ST6GALNAC5: variants seen among roughly 807,000 people sequenced by gnomAD.
ST6GALNAC5 encodes alpha-N-acetylgalactosaminide alpha-2,6-sialyltransferase 5.
ST6GALNAC5 carries 27 observed loss-of-function variants against 33.6 expected under a neutral mutation model. That is an observed-to-expected ratio of 0.80 (90% CI 0.59 to 1.11). The LOEUF (loss-of-function observed/expected upper bound fraction) is 1.11, where lower values mean the gene tolerates loss of function less well. Among genes scored for constraint, ST6GALNAC5 ranks in the 50% least tolerant of loss-of-function variants. The pLI, the probability that ST6GALNAC5 is intolerant of heterozygous loss-of-function variation, is 0.00. For synonymous variants in ST6GALNAC5, 194 were observed against 171.2 expected (o/e 1.13, Z -1.04); for missense variants, 428 against 454.0 (o/e 0.94, Z 0.52).
In ST6GALNAC5 at chr1:77,061,147, C is replaced by A. The variant is rs1184078333; in HGVS notation, c.780-1828C>A. ...CTGCAATAACTAGTCAGGAAAGGAT[C>A]CAGTGTTTCACTACAGAACATAGAG... On this transcript the variant is annotated intron_variant, in intron 4 of 4. Coordinates refer to ENST00000477717, the MANE Select transcript of ST6GALNAC5 (RefSeq NM_030965.3). 2.0e-5 allele frequency among the ~76,000 whole-genome samples: 3 copies of A among 152,218 alleles called. No individual in the cohort carries two copies. The East Asian group carries it at 5.8e-4, about 29-fold the overall frequency.
At chr1:77,040,118 C>A (rs1214080932) in intron 2 of ST6GALNAC5, among the ~76,000 whole-genome samples, 1 of 152,162 alleles carries the variant, frequency 6.6e-6, no homozygotes, top group African/African-American at 2.4e-5. Context: ...CAGGGTCGCA[C>A]AATTTGTACA....
intron 3 of ST6GALNAC5, among the ~76,000 whole-genome samples, chr1:77,049,820 A>G (rs1368127045): frequency 6.6e-6 from 1 of 152,182 alleles, no homozygotes; most frequent in Admixed American, 6.5e-5. Flanking sequence ...ATAGATAAAT[A>G]CATGTGAATG....
At chr1:77,045,041 C>T (rs1245009037) in intron 3 of ST6GALNAC5, among the ~76,000 whole-genome samples, 1 of 152,162 alleles carries the variant, frequency 6.6e-6, no homozygotes, top group Non-Finnish European at 1.5e-5. Flanking sequence ...CATCACTGTG[C>T]TTGGCCCTGG....
At chr1:77,062,839 A>G (rs779608329) in intron 4 of ST6GALNAC5, 136 bp from the exon 5 acceptor site, 1 of 642,074 alleles carries the variant, frequency 1.6e-6, no homozygotes, top group Non-Finnish European at 2.7e-6. Flanking sequence ...GTGTAATCAG[A>G]AAAACCATTT....
chr1:76,969,314 A>G (rs1019627994), intron 2 of ST6GALNAC5, among the ~76,000 whole-genome samples: 3 of 152,020 alleles, frequency 2.0e-5, no homozygotes, highest in Non-Finnish European at 2.9e-5. Flanking sequence ...AAAACAGGAC[A>G]CTCCTGCCCA....
intron 2 of ST6GALNAC5, among the ~76,000 whole-genome samples, chr1:77,026,694 C>T (rs1570111629): frequency 6.6e-6 from 1 of 152,310 alleles, no homozygotes; most frequent in South Asian, 2.1e-4. Context: ...TGTATATAGC[C>T]TCCTTCATAG....
intron 2 of ST6GALNAC5, among the ~76,000 whole-genome samples, chr1:76,892,784 C>G (rs187339049): frequency 1.5e-4 from 23 of 152,300 alleles, no homozygotes; most frequent in Admixed American, 8.5e-4. Context: ...ATAAAGCACA[C>G]ATGGTAAGCT....
At chr1:77,035,790 T>C (rs767128755) in intron 2 of ST6GALNAC5, among the ~76,000 whole-genome samples, 3 of 152,182 alleles carry the variant, frequency 2.0e-5, no homozygotes, top group Non-Finnish European at 2.9e-5. Context: ...TGTAGAGAAA[T>C]TGGAACTAGT....
At position 76,868,305 on chromosome 1, in the gene ST6GALNAC5, G is replaced by C. The variant is rs982180054; in HGVS notation, c.16-192G>C. On this transcript the variant is annotated intron_variant, in intron 1 of 4. Coordinates refer to ENST00000477717, the MANE Select transcript of ST6GALNAC5 (RefSeq NM_030965.3). This position sits in a 1 kb window ranked among gnomAD's most constrained non-coding sequence, Gnocchi z 4.3. ...CGGCGGCGGCCGAAAGCAGCGACGC[G>C]CCCGGAGCATCCCTTGCGATACGCT... is the stretch of plus-strand genomic sequence containing the variant. Among the ~76,000 whole-genome samples the C allele has an allele frequency of 6.6e-6, 1 of 151,942 alleles. No individual in the cohort carries two copies. Among genetic ancestry groups the C allele is most frequent in the Non-Finnish European group, 1.5e-5 (1 of 67,988 alleles).
chr1:76,891,814 G>A (rs1034632976), intron 2 of ST6GALNAC5, among the ~76,000 whole-genome samples: 1 of 152,116 alleles, frequency 6.6e-6, no homozygotes, highest in East Asian at 1.9e-4. Flanking sequence ...AGTTGTCCAA[G>A]CATAATTTGT....
chr1:76,900,904 CTT>C (rs1483091534), intron 2 of ST6GALNAC5, among the ~76,000 whole-genome samples: 2 of 152,054 alleles, frequency 1.3e-5, no homozygotes, highest in Non-Finnish European at 2.9e-5. Context: ...TGTGAACAGT[CTT>C]ATGGATTAAT....
At chr1:76,996,977 T>C (rs4949764) in intron 2 of ST6GALNAC5, among the ~76,000 whole-genome samples, 134,730 of 152,164 alleles carry the variant, frequency 0.89, 59,907 homozygotes, top group Middle Eastern at 0.95. Flanking sequence ...AGAAGAGTTC[T>C]CAGAAGGGTC....
intron 2 of ST6GALNAC5, among the ~76,000 whole-genome samples, chr1:76,957,693 G>A (rs1648062516): frequency 7.2e-6 from 1 of 139,648 alleles, no homozygotes. Context: ...TACTTCAGCT[G>A]CTGGTATCTA....
At chr1:77,041,880 A>G (rs1651841354) in intron 2 of ST6GALNAC5, among the ~76,000 whole-genome samples, 1 of 152,346 alleles carries the variant, frequency 6.6e-6, no homozygotes, top group Non-Finnish European at 1.5e-5. Flanking sequence ...AGTGGTAACA[A>G]CACTACTGAT....
Position 76,868,745 on chromosome 1 carries a change from G to A in ST6GALNAC5, c.261+3G>A. 1 of 1,495,170 alleles carries A rather than the reference G, an allele frequency of 6.7e-7. No homozygotes were observed. The highest frequency in any genetic ancestry group is 1.3e-5 in the South Asian group (1 of 74,776). 92.6% of individuals were successfully genotyped at this position (1,495,170 alleles called of 1,614,324 possible). A position where few individuals can be genotyped will look rare whatever the true frequency, so the allele number is the denominator to read the frequency against. Reference sequence around the variant, plus strand: ...ACCTCGGAGTGGCGGACCACAAGGTGACAGCATGCCCGCCAGCCCGCTCGC... The same window carrying A: ...ACCTCGGAGTGGCGGACCACAAGGTAACAGCATGCCCGCCAGCCCGCTCGC... On this transcript the variant is annotated splice_donor_region_variant and intron_variant, in intron 2 of 4. Transcript: ENST00000477717. The surrounding 1 kb of genome is among the most constrained non-coding windows in gnomAD (Gnocchi z 4.3).
chr1:76,988,022 G>T (rs1319168935), intron 2 of ST6GALNAC5, among the ~76,000 whole-genome samples: 1 of 152,014 alleles, frequency 6.6e-6, no homozygotes, highest in Non-Finnish European at 1.5e-5. Flanking sequence ...CTTAGGTTTG[G>T]ATGTTTAATA....
intron 2 of ST6GALNAC5, among the ~76,000 whole-genome samples, chr1:76,964,390 T>A (rs946265334): frequency 6.6e-6 from 1 of 152,078 alleles, no homozygotes. Context: ...ATCCAATGAA[T>A]CCATGGCCCA....
chr1:76,929,794 G>A (rs1647121043), intron 2 of ST6GALNAC5, among the ~76,000 whole-genome samples: 1 of 151,932 alleles, frequency 6.6e-6, no homozygotes, highest in South Asian at 2.1e-4. Context: ...TAATATTTTT[G>A]TAGTTTGAAT....
intron 2 of ST6GALNAC5, among the ~76,000 whole-genome samples, chr1:76,872,068 AACACACACACACACACACACAC>A (rs66721550): frequency 1.5e-5 from 2 of 130,224 alleles, no homozygotes; most frequent in African/African-American, 2.9e-5. Context: ...TAACCAAGCT[AACACACACACACACACACACAC>A]ACACACACAC....
Sources: allele counts gnomAD v4.1 joint callset (sites outside exome capture counted in the v4.1 genomes callset), GRCh38; gene constraint gnomAD v4.1.1; non-coding constraint Gnocchi (gnomAD v3.1); transcripts MANE v1.5; gene names NCBI Gene and HGNC (gene_info 2026-07-23, HGNC 2026-07-21).